SIPA1L2: variants seen among roughly 807,000 people sequenced by gnomAD.
SIPA1L2 encodes signal-induced proliferation-associated 1-like protein 2.
SIPA1L2 carries 56 observed loss-of-function variants against 163.9 expected under a neutral mutation model. That is an observed-to-expected ratio of 0.34 (90% CI 0.28 to 0.43). The LOEUF (loss-of-function observed/expected upper bound fraction) is 0.43. Ranked by LOEUF, SIPA1L2 falls within the 20% of genes least tolerant of loss-of-function variation. SIPA1L2 has a pLI of 1.00. For missense variants in SIPA1L2, 1,974 were observed against 2,193.5 expected, an observed-to-expected ratio of 0.90 and a Z score of 2.00; for synonymous variants, 877 against 865.7, an observed-to-expected ratio of 1.01 and a Z score of -0.23.
At chr1:232,428,656 C>T in intron 16 of SIPA1L2, 92 bp from the exon 17 acceptor site, 2 of 872,450 alleles carry the variant, frequency 2.3e-6, no homozygotes, top group Non-Finnish European at 3.3e-6. Flanking sequence ...TCAACAGCCA[C>T]AAACGCATAC....
At position 232,529,979 on chromosome 1, in the gene SIPA1L2, T is replaced by C. The variant is rs577047219; in HGVS notation, c.-269-14371A>G. The stretch of plus-strand genomic sequence containing the variant: ...GGAGAGAAGTGCTGGTTCCCAGACT[T>C]CAGTATGAGCAGTCACTGGTGATTA... On this transcript the variant is annotated intron_variant, in intron 2 of 22. Coordinates refer to ENST00000674635, the MANE Select transcript of SIPA1L2 (RefSeq NM_020808.5). Among the ~76,000 whole-genome samples the C allele has an allele frequency of 2.0e-5, 3 of 152,284 alleles. No homozygotes were observed. The East Asian group carries it at 5.8e-4, about 29-fold the overall frequency.
intron 1 of SIPA1L2, among the ~76,000 whole-genome samples, chr1:232,575,779 C>T (rs1660045695): frequency 6.6e-6 from 1 of 152,114 alleles, no homozygotes; most frequent in Non-Finnish European, 1.5e-5. Context: ...AACCCAAACG[C>T]CCATTAGATG....
chr1:232,534,493 A>C (rs540560579), intron 2 of SIPA1L2, among the ~76,000 whole-genome samples: 15 of 152,390 alleles, frequency 9.8e-5, no homozygotes, highest in African/African-American at 3.4e-4. Flanking sequence ...GATTGCTTGA[A>C]TATGACACTA....
At chr1:232,536,288 G>A (rs962822851) in intron 2 of SIPA1L2, among the ~76,000 whole-genome samples, 1 of 152,228 alleles carries the variant, frequency 6.6e-6, no homozygotes, top group African/African-American at 2.4e-5. Flanking sequence ...CAGTAACCAT[G>A]AAGCAGAATA....
At chr1:232,507,494 C>A (rs143280561) in intron 3 of SIPA1L2, among the ~76,000 whole-genome samples, 5 of 152,186 alleles carry the variant, frequency 3.3e-5, no homozygotes, top group African/African-American at 1.2e-4. Context: ...CTAAATGCAG[C>A]CCACATCCAA....
intron 1 of SIPA1L2, among the ~76,000 whole-genome samples, chr1:232,601,154 T>A (rs1661577536): frequency 6.6e-6 from 1 of 152,180 alleles, no homozygotes; most frequent in African/African-American, 2.4e-5. Flanking sequence ...GGCTGGGCCC[T>A]GGGACACAGG....
chr1:232,611,566 T>C (rs1214001064), intron 1 of SIPA1L2, among the ~76,000 whole-genome samples: 1 of 152,190 alleles, frequency 6.6e-6, no homozygotes, highest in Admixed American at 6.5e-5. Flanking sequence ...ACTCCTGTTA[T>C]GTTTCAGCAA....
chr1:232,568,700 A>C (rs1350266197), intron 2 of SIPA1L2, among the ~76,000 whole-genome samples: 1 of 152,124 alleles, frequency 6.6e-6, no homozygotes, highest in Non-Finnish European at 1.5e-5. Flanking sequence ...AACCCTATGA[A>C]GCCATATGCA....
chr1:232,411,320 A>T (rs1252910077), intron 19 of SIPA1L2, among the ~76,000 whole-genome samples: 1 of 152,172 alleles, frequency 6.6e-6, no homozygotes, highest in Non-Finnish European at 1.5e-5. Flanking sequence ...CAAGCCAGGG[A>T]GAGGTAATAA....
chr1:232,479,102 G>A (rs1665189642), intron 7 of SIPA1L2, among the ~76,000 whole-genome samples: 1 of 152,182 alleles, frequency 6.6e-6, no homozygotes, highest in Non-Finnish European at 1.5e-5. Flanking sequence ...CATCATTCAA[G>A]TTTTCAAAGG....
chr1:232,512,464 C>T (rs1667023393), intron 3 of SIPA1L2, among the ~76,000 whole-genome samples: 1 of 152,106 alleles, frequency 6.6e-6, no homozygotes, highest in Admixed American at 6.5e-5. Context: ...AGACTTGGAA[C>T]CAACCCCAAT....
rs1450490208 is a variant in SIPA1L2, at chr1:232,547,509, T to TTCCAGAGCCA, written c.-270+26655_-270+26664dup. 2.0e-4 allele frequency among the ~76,000 whole-genome samples: 28 copies of TTCCAGAGCCA among 138,730 alleles called. No homozygotes were observed. The Admixed American group carries it at 2.3e-3, about 11-fold the overall frequency. The allele number at this position is 138,730 out of a possible 152,430, so 91.0% of individuals were successfully genotyped here. On this transcript the variant is annotated intron_variant, in intron 2 of 22. Coordinates refer to ENST00000674635, the MANE Select transcript of SIPA1L2 (RefSeq NM_020808.5). ...CAGGTTTCATTCTATTCAAGCGTGT[T>TTCCAGAGCCA]TCCAGAGCCATCGTTTTCACAGTAA...
rs902424766 is a variant in SIPA1L2, at chr1:232,398,142, C to G, written c.*985G>C. On this transcript the variant is annotated 3_prime_UTR_variant, in exon 23 of 23. Coordinates refer to ENST00000674635, the MANE Select transcript of SIPA1L2 (RefSeq NM_020808.5). ...CTGTGCAAGCTCAGTCTCTTCTGAG[C>G]CTGCAGCTACCTCCATCCCTCATCG... 2.0e-5 allele frequency: 3 copies of G among 152,626 alleles called. No individual in the cohort carries two copies. Among genetic ancestry groups the G allele is most frequent in the African/African-American group, 7.2e-5 (3 of 41,442 alleles). The allele number at this position is 152,626 out of a possible 1,614,324, so 9.5% of individuals were successfully genotyped here.
At chr1:232,481,905 C>T (rs1213855694) in intron 6 of SIPA1L2, among the ~76,000 whole-genome samples, 1 of 152,200 alleles carries the variant, frequency 6.6e-6, no homozygotes, top group African/African-American at 2.4e-5. Flanking sequence ...CCTAAGTCTT[C>T]TAACCAGAAC....
At chr1:232,556,414 G>C (rs1381691230) in intron 2 of SIPA1L2, among the ~76,000 whole-genome samples, 1 of 152,154 alleles carries the variant, frequency 6.6e-6, no homozygotes, top group Non-Finnish European at 1.5e-5. Context: ...TCCCTTTAGC[G>C]ATAAGGTATG....
intron 1 of SIPA1L2, among the ~76,000 whole-genome samples, chr1:232,619,688 C>T (rs1453583925): frequency 6.6e-6 from 1 of 152,148 alleles, no homozygotes; most frequent in Non-Finnish European, 1.5e-5. Context: ...CCTAGGGTGC[C>T]CCTGTTAACT....
At chr1:232,572,875 T>G (rs1659875651) in intron 2 of SIPA1L2, among the ~76,000 whole-genome samples, 2 of 151,246 alleles carry the variant, frequency 1.3e-5, no homozygotes, top group Admixed American at 1.3e-4. Context: ...GCCTCCCAGG[T>G]TCAAGTGATT....
rs141021011 is a variant in SIPA1L2 at position 232,598,776 on chromosome 1, C to T, written c.-318-24554G>A. 2.4e-3 allele frequency among the ~76,000 whole-genome samples: 360 copies of T among 152,172 alleles called. 3 individuals are homozygous for T. Among genetic ancestry groups the T allele is most frequent in the African/African-American group, 7.1e-3 (296 of 41,506 alleles). On this transcript the variant is annotated intron_variant, in intron 1 of 22. Coordinates refer to ENST00000674635, the MANE Select transcript of SIPA1L2 (RefSeq NM_020808.5). ...TGACCTAATCACCTTCCAAAGGCCCCACCTGTCAATACTATCACCTTGGAA... is the reference window on the plus strand; with the variant it reads ...TGACCTAATCACCTTCCAAAGGCCCTACCTGTCAATACTATCACCTTGGAA...
chr1:232,442,645 A>C (rs1373332157), intron 12 of SIPA1L2, among the ~76,000 whole-genome samples: 1 of 152,190 alleles, frequency 6.6e-6, no homozygotes, highest in East Asian at 1.9e-4. Flanking sequence ...AGAAATAAGT[A>C]GAAGAAAACT....
Sources: gnomAD v4.1 joint callset for allele counts (sites outside exome capture counted in the v4.1 genomes callset) on GRCh38, gnomAD v4.1.1 for gene constraint, MANE v1.5 for transcripts, NCBI Gene and HGNC (gene_info 2026-07-23, HGNC 2026-07-21) for gene names.